Variants in LIM2 observed in about 807,000 individuals in gnomAD.
The protein encoded by LIM2 is lens intrinsic membrane protein 2.
LIM2 carries 14 observed loss-of-function variants against 19.0 expected under a neutral mutation model. The observed-to-expected ratio is 0.74, with a 90% CI of 0.49 to 1.15. LIM2 has a LOEUF of 1.15. Ranked by LOEUF, LIM2 falls within the 50% of genes most tolerant of loss-of-function variation. LIM2 has a pLI of 0.00. For missense variants in LIM2, 230 were observed against 243.5 expected, an observed-to-expected ratio of 0.94 and a Z score of 0.37; for synonymous variants, 78 against 89.6, an observed-to-expected ratio of 0.87 and a Z score of 0.73.
At position 51,380,605 on chromosome 19, in the gene LIM2, A is replaced by G; in HGVS notation, c.360T>C (p.Thr120=). The change falls in exon 4 of 5, where the codon ACT becomes ACC. Residue 120 remains threonine, a synonymous_variant. Coordinates refer to ENST00000596399, the MANE Select transcript of LIM2 (RefSeq NM_001161748.2). ...LFVVLALAIY[T]GVTVSFLGRR... The stretch of plus-strand genomic sequence containing the variant: ...GGCCCAGGAAGCTGACGGTGACTCC[A>G]GTGTAGATGGCCAAGGCCAACACGA... 3 of 1,614,190 alleles carry G rather than the reference A, an allele frequency of 1.9e-6. No individual in the cohort carries two copies. Among genetic ancestry groups the G allele is most frequent in the South Asian group, 1.1e-5 (1 of 91,088 alleles).
chr19:51,385,672 G>A (rs764134026), intron 2 of LIM2, among the ~76,000 whole-genome samples: 2 of 152,220 alleles, frequency 1.3e-5, no homozygotes, highest in Non-Finnish European at 2.9e-5. Context: ...CAGGAGAAAT[G>A]TAGAAGTGTC....
Position 51,382,464 on chromosome 19 carries a change from G to C in LIM2, c.279C>G (p.Ser93=). 6.2e-7 allele frequency: 1 copy of C among 1,614,016 alleles called. No individual in the cohort carries two copies. The highest frequency in any genetic ancestry group is 8.5e-7 in the Non-Finnish European group (1 of 1,180,000). Residue 93 remains serine, a synonymous_variant, in exon 3 of 5, where the codon TCC becomes TCG. Transcript: ENST00000596399. ...IMAFAHQPTF[S]RISRPFSAGI... ...CAGCAGAGAAGGGCCGGGAGATGCG[G>C]GAGAAGGTAGGCTGATGAGCGAAGG...
chr19:51,385,914 A>G (rs1242485602), intron 2 of LIM2, among the ~76,000 whole-genome samples: 3 of 152,088 alleles, frequency 2.0e-5, no homozygotes, highest in Non-Finnish European at 4.4e-5. Context: ...CTTCTCAGCT[A>G]CTCAAGAGGA....
intron 3 of LIM2, 119 bp from the exon 4 acceptor site, chr19:51,380,758 TG>T: frequency 1.5e-6 from 1 of 688,532 alleles, no homozygotes; most frequent in East Asian, 4.9e-5. Context: ...GGAAATGGGT[TG>T]GGGGTGGGGA....
At chr19:51,386,821 T>G (rs113057382) in intron 2 of LIM2, among the ~76,000 whole-genome samples, 2,945 of 151,930 alleles carry the variant, frequency 0.019, 107 homozygotes, top group African/African-American at 0.066. Context: ...ATAGATGCTA[T>G]GCAGCAAGCA....
intron 3 of LIM2, among the ~76,000 whole-genome samples, chr19:51,381,764 C>T (rs527815087): frequency 2.0e-5 from 3 of 152,248 alleles, no homozygotes; most frequent in East Asian, 1.9e-4. Context: ...CTCGCTCTGT[C>T]GCCCAGGCTG....
intron 2 of LIM2, among the ~76,000 whole-genome samples, chr19:51,385,655 C>G (rs1987019800): frequency 1.3e-5 from 2 of 152,184 alleles, no homozygotes; most frequent in South Asian, 4.1e-4. Flanking sequence ...GAATTCCCAG[C>G]CCGAAGCAGG....
intron 2 of LIM2, among the ~76,000 whole-genome samples, chr19:51,384,838 G>A (rs1291797938): frequency 6.6e-6 from 1 of 152,000 alleles, no homozygotes; most frequent in African/African-American, 2.4e-5. Flanking sequence ...GAGGCCAGGA[G>A]GGTTTCTTTT....
At position 51,380,205 on chromosome 19, in the gene LIM2, C is replaced by T. The variant is rs142283208; in HGVS notation, c.518G>A (p.Arg173His). The T allele has an allele frequency of 2.6e-5, 42 of 1,613,380 alleles. No homozygotes were observed. Among genetic ancestry groups the T allele is most frequent in the Middle Eastern group, 1.6e-4 (1 of 6,078 alleles). The change falls in exon 5 of 5, where the codon CGC becomes CAC. Residue 173 changes from arginine to histidine, a missense_variant. Arg to His is a conservative substitution (Grantham distance 29). Transcript: ENST00000596399. ...AGTTGGGGGACACATTTGGGCTCAG[C>T]GGGGTGTAGACAGGCGCCGGCATTC... Reference protein sequence around the residue: ...VHECRRLSTPR With the variant: ...VHECRRLSTPH
intron 3 of LIM2, among the ~76,000 whole-genome samples, chr19:51,381,469 C>T (rs1986891277): frequency 6.6e-6 from 1 of 152,180 alleles, no homozygotes; most frequent in Non-Finnish European, 1.5e-5. Flanking sequence ...TTTTACAAGA[C>T]TCCAATAAAA....
chr19:51,383,135 A>G (rs765334568), intron 2 of LIM2, among the ~76,000 whole-genome samples: 1 of 148,702 alleles, frequency 6.7e-6, no homozygotes, highest in Non-Finnish European at 1.5e-5. Context: ...CTGAGGTTCA[A>G]ACGATTCTCC....
chr19:51,381,452 A>G (rs1252727629), intron 3 of LIM2, among the ~76,000 whole-genome samples: 1 of 152,202 alleles, frequency 6.6e-6, no homozygotes. Flanking sequence ...TCAATCAGTC[A>G]TGCCTATTTT....
intron 1 of LIM2, among the ~76,000 whole-genome samples, chr19:51,387,668 G>C (rs80143315): frequency 6.6e-6 from 1 of 152,140 alleles, no homozygotes; most frequent in Admixed American, 6.5e-5. Context: ...CAGGGAGAGC[G>C]GGGCTGGGTT....
intron 2 of LIM2, among the ~76,000 whole-genome samples, chr19:51,386,358 A>T (rs1987041898): frequency 6.6e-6 from 1 of 150,962 alleles, no homozygotes; most frequent in Admixed American, 6.6e-5. Context: ...TCCTGACCTC[A>T]GGTGATCCGC....
chr19:51,380,824 A>G (rs1986877406), intron 3 of LIM2, among the ~76,000 whole-genome samples, 185 bp from the exon 4 acceptor site: 1 of 150,962 alleles, frequency 6.6e-6, no homozygotes, highest in Non-Finnish European at 1.5e-5. Flanking sequence ...ATTGGGGGAT[A>G]GGTTTGGGAT....
chr19:51,386,654 G>A, intron 2 of LIM2, among the ~76,000 whole-genome samples: 1 of 148,240 alleles, frequency 6.7e-6, no homozygotes, highest in Non-Finnish European at 1.5e-5. Flanking sequence ...AATATATTAT[G>A]TATTAGTAAT....
chr19:51,383,531 G>C (rs894407849), intron 2 of LIM2, among the ~76,000 whole-genome samples: 1 of 152,162 alleles, frequency 6.6e-6, no homozygotes, highest in Non-Finnish European at 1.5e-5. Context: ...TGCGTGAAAT[G>C]AATTAATGTT....
chr19:51,382,657 T>G (rs767562232), intron 2 of LIM2, 90 bp from the exon 3 acceptor site: 1 of 1,550,060 alleles, frequency 6.5e-7, no homozygotes, highest in Non-Finnish European at 8.9e-7. Flanking sequence ...CTTGCCCCTT[T>G]CCATATCCCT....
At chr19:51,387,839 C>T (rs1410154512) in intron 1 of LIM2, 80 bp downstream of exon 1, 1 of 250,706 alleles carries the variant, frequency 4.0e-6, no homozygotes, top group African/African-American at 2.3e-5. Flanking sequence ...ACACCAGGTC[C>T]TGGGAGAAGA....
Sources: gnomAD v4.1 joint callset for allele counts (sites outside exome capture counted in the v4.1 genomes callset) on GRCh38, gnomAD v4.1.1 for gene constraint, MANE v1.5 for transcripts, NCBI Gene and HGNC (gene_info 2026-07-23, HGNC 2026-07-21) for gene names.